FAM13B: variants seen among roughly 807,000 people sequenced by gnomAD.
FAM13B encodes family with sequence similarity 13 member B, also known as protein FAM13B.
FAM13B carries 60 observed loss-of-function variants against 117.3 expected under a neutral mutation model. That is an observed-to-expected ratio of 0.51 (90% CI 0.42 to 0.63). FAM13B has a LOEUF of 0.63. Ranked by LOEUF, FAM13B falls within the 30% of genes least tolerant of loss-of-function variation. FAM13B has a pLI of 0.00. For synonymous variants in FAM13B, 332 were observed against 356.1 expected (o/e 0.93, Z 0.76); for missense variants, 972 against 1,091.9 (o/e 0.89, Z 1.55).
chr5:138,042,759 T>C (rs980659157), intron 1 of FAM13B, among the ~76,000 whole-genome samples: 1 of 152,110 alleles, frequency 6.6e-6, no homozygotes, highest in East Asian at 1.9e-4. Flanking sequence ...TTATTCTTGA[T>C]ATGAGCTGTG....
At chr5:138,006,527 T>A (rs931994628) in intron 7 of FAM13B, among the ~76,000 whole-genome samples, 3 of 152,156 alleles carry the variant, frequency 2.0e-5, no homozygotes, top group African/African-American at 7.2e-5. Flanking sequence ...CCTACCACAT[T>A]TATCGAATTT....
intron 22 of FAM13B, 50 bp downstream of exon 22, chr5:137,942,825 T>C (rs565529373): frequency 3.3e-6 from 5 of 1,518,712 alleles, no homozygotes; most frequent in Non-Finnish European, 4.4e-6. Context: ...TTTCTTGGCA[T>C]ATACATTTTA....
chr5:137,954,549 T>G, intron 14 of FAM13B, 173 bp from the exon 15 acceptor site: 2 of 334,322 alleles, frequency 6.0e-6, no homozygotes, highest in East Asian at 4.9e-5. Flanking sequence ...TATATATATA[T>G]ATATATAATC....
At position 137,987,543 on chromosome 5, in the gene FAM13B, G is replaced by T. The variant is rs1480809789; in HGVS notation, c.964C>A (p.Leu322Ile). 6.2e-7 allele frequency: 1 copy of T among 1,613,468 alleles called. No homozygotes were observed. The highest frequency in any genetic ancestry group is 1.1e-5 in the South Asian group (1 of 91,018). ...ACACTTTGCTGTTGTAAATTCTTAA[G>T]ATCATGATCTATGCTGCTCTGAAGA... ...FDLQSSIDHD[L>I]KNLQQQSVVC... The change falls in exon 9 of 24, where the codon CTT becomes ATT. Residue 322 changes from leucine to isoleucine, a missense_variant. Leu to Ile is a conservative substitution (Grantham distance 5, BLOSUM62 2). Transcript: ENST00000689681.
rs1391513613 is a variant in FAM13B, at chr5:137,989,702, C to A, written c.849-1387G>T. 3.9e-5 allele frequency among the ~76,000 whole-genome samples: 6 copies of A among 152,210 alleles called. No homozygotes were observed. In the East Asian group the frequency reaches 1.2e-3, roughly 29 times the overall value. ...CAGCCAGGCATGATGATGGTGCATG[C>A]CTGTAGTCCTAGCTACTTAGGAGGC... On this transcript the variant is annotated intron_variant, in intron 7 of 23. Transcript: ENST00000689681.
intron 7 of FAM13B, among the ~76,000 whole-genome samples, chr5:138,006,187 G>A (rs1057354988): frequency 4.6e-5 from 7 of 152,096 alleles, no homozygotes; most frequent in Admixed American, 2.0e-4. Context: ...GTCAGCCACC[G>A]CGCCCGGCCT....
Position 137,973,675 on chromosome 5 carries a change from G to A in FAM13B, c.1180-11206C>T, listed in dbSNP as rs373646443. On this transcript the variant is annotated intron_variant, in intron 10 of 23. Transcript: ENST00000689681. ...CATCAGAGTGAACAGGCAACCTACA[G>A]AATGGGAGAAAATTTTCACAACCTA... 4.7e-3 allele frequency among the ~76,000 whole-genome samples: 719 copies of A among 151,642 alleles called. 2 individuals carry two copies. Among genetic ancestry groups the A allele is most frequent in the Non-Finnish European group, 5.3e-3 (359 of 67,852 alleles).
intron 10 of FAM13B, among the ~76,000 whole-genome samples, chr5:137,962,982 C>T (rs765679955): frequency 2.6e-5 from 4 of 152,110 alleles, no homozygotes; most frequent in Non-Finnish European, 4.4e-5. Context: ...CTATTCCCCC[C>T]CAAACTAAAA....
chr5:137,964,275 A>C (rs1416322321), intron 10 of FAM13B, among the ~76,000 whole-genome samples: 2 of 151,704 alleles, frequency 1.3e-5, no homozygotes, highest in Admixed American at 1.3e-4. Context: ...TGAATAGGGT[A>C]ATTTTTTTGT....
intron 1 of FAM13B, among the ~76,000 whole-genome samples, chr5:138,032,333 A>T (rs1048417860): frequency 6.6e-6 from 1 of 152,214 alleles, no homozygotes; most frequent in Non-Finnish European, 1.5e-5. Context: ...ACGTGACCTT[A>T]AAAAGGGGCG....
At chr5:137,986,430 C>CCCG in intron 9 of FAM13B, among the ~76,000 whole-genome samples, 1 of 53,402 alleles carries the variant, frequency 1.9e-5, no homozygotes, top group African/African-American at 4.7e-5. Context: ...TCATCTTCCC[C>CCCG]CCCCCAAAAA....
chr5:137,940,416 T>A, intron 23 of FAM13B, 68 bp from the exon 24 acceptor site: 1 of 1,078,000 alleles, frequency 9.3e-7, no homozygotes, highest in East Asian at 2.4e-5. Context: ...AAAGTTGTCT[T>A]AATATGAGAC....
intron 10 of FAM13B, among the ~76,000 whole-genome samples, chr5:137,972,748 C>T (rs1291440192): frequency 6.6e-6 from 1 of 151,988 alleles, no homozygotes; most frequent in Non-Finnish European, 1.5e-5. Flanking sequence ...AGCTGATAAG[C>T]AACTTCAGCA....
chr5:137,946,192 C>T (rs1314148276), intron 19 of FAM13B, 36 bp downstream of exon 19: 3 of 1,521,964 alleles, frequency 2.0e-6, no homozygotes, highest in East Asian at 2.3e-5. Context: ...TTTTTTAAGA[C>T]ATAAAATCAA....
chr5:137,988,550 A>C (rs966363582), intron 7 of FAM13B, among the ~76,000 whole-genome samples: 1 of 152,222 alleles, frequency 6.6e-6, no homozygotes, highest in African/African-American at 2.4e-5. Context: ...AAGACCAAAA[A>C]TTTTAAAGTT....
intron 7 of FAM13B, among the ~76,000 whole-genome samples, chr5:138,002,357 C>T (rs376167492): frequency 3.9e-4 from 59 of 152,080 alleles, no homozygotes; most frequent in African/African-American, 1.3e-3. Context: ...GTGGTGAAAC[C>T]TTGTCTCTAC....
At chr5:138,029,187 C>T (rs1271992155) in intron 1 of FAM13B, among the ~76,000 whole-genome samples, 2 of 152,212 alleles carry the variant, frequency 1.3e-5, no homozygotes, top group South Asian at 2.1e-4. Flanking sequence ...GATTACCCTT[C>T]CTTTTCTCAG....
At chr5:137,991,519 T>C (rs760138044) in intron 7 of FAM13B, among the ~76,000 whole-genome samples, 26 of 152,182 alleles carry the variant, frequency 1.7e-4, no homozygotes, top group Non-Finnish European at 2.6e-4. Flanking sequence ...CAGTGTTATT[T>C]TGTTGGAGAT....
At chr5:138,041,615 A>C (rs1391211059) in intron 1 of FAM13B, among the ~76,000 whole-genome samples, 1 of 152,228 alleles carries the variant, frequency 6.6e-6, no homozygotes, top group African/African-American at 2.4e-5. Context: ...GAGTAATTAC[A>C]ATCAGTGTAA....
Sources: allele counts gnomAD v4.1 joint callset (sites outside exome capture counted in the v4.1 genomes callset), GRCh38; gene constraint gnomAD v4.1.1; transcripts MANE v1.5; gene names NCBI Gene and HGNC (gene_info 2026-07-23, HGNC 2026-07-21).